The following DYM variants were observed in gnomAD, a reference collection of about 807,000 sequenced individuals.
The protein encoded by DYM is dymeclin, also known as dyggve-Melchior-Clausen syndrome protein.
Under a neutral mutation model 93.1 loss-of-function variants are expected in DYM, and 78 were observed. That is an observed-to-expected ratio of 0.84 (90% CI 0.70 to 1.01). The LOEUF (loss-of-function observed/expected upper bound fraction) is 1.01, where lower values mean the gene tolerates loss of function less well. DYM is among the 50% of genes least tolerant of loss of function. DYM has a pLI of 0.00. For synonymous variants in DYM, 321 were observed against 319.7 expected (o/e 1.00, Z -0.04); for missense variants, 789 against 845.0 (o/e 0.93, Z 0.82).
At chr18:49,099,810 G>T (rs1363520624) in intron 16 of DYM, among the ~76,000 whole-genome samples, 1 of 152,110 alleles carries the variant, frequency 6.6e-6, no homozygotes, top group East Asian at 1.9e-4. Flanking sequence ...AACTTTTATG[G>T]ATCCATTTTC....
At position 49,363,237 on chromosome 18, in the gene DYM, GT is replaced by G; in HGVS notation, c.422-5del. 6.2e-7 allele frequency: 1 copy of G among 1,611,336 alleles called. No individual in the cohort carries two copies. On this transcript the variant is annotated splice_region_variant and splice_polypyrimidine_tract_variant and intron_variant, in intron 5 of 17. Transcript: ENST00000675505. ...AAAAGATCTTCTGAGTCAGAACCTG[GT>G]AAGACACATAAAAAGATTTTTTTTT...
chr18:49,169,133 G>C (rs139836115), intron 14 of DYM, among the ~76,000 whole-genome samples: 1 of 152,318 alleles, frequency 6.6e-6, no homozygotes, highest in East Asian at 1.9e-4. Context: ...GAAAGCAAAA[G>C]CAACACAGTT....
chr18:49,076,892 C>T (rs775301495), intron 17 of DYM, among the ~76,000 whole-genome samples: 5 of 152,250 alleles, frequency 3.3e-5, no homozygotes, highest in Middle Eastern at 3.4e-3. Context: ...AAGCTTAACT[C>T]GTATATAGTT....
chr18:49,163,257 T>C (rs2087414962), intron 15 of DYM, among the ~76,000 whole-genome samples: 1 of 152,128 alleles, frequency 6.6e-6, no homozygotes, highest in African/African-American at 2.4e-5. Flanking sequence ...ATATTAGAGG[T>C]TTCTTGGGCA....
chr18:49,076,954 C>T (rs1157527387), intron 17 of DYM, among the ~76,000 whole-genome samples: 1 of 152,174 alleles, frequency 6.6e-6, no homozygotes, highest in Non-Finnish European at 1.5e-5. Context: ...TAAATTAGCT[C>T]TTGTCTCAGG....
At chr18:49,278,928 T>C (rs1348588767) in intron 10 of DYM, among the ~76,000 whole-genome samples, 1 of 152,232 alleles carries the variant, frequency 6.6e-6, no homozygotes, top group African/African-American at 2.4e-5. Flanking sequence ...CCATCTCAAA[T>C]GTCTAGCTGC....
intron 13 of DYM, among the ~76,000 whole-genome samples, chr18:49,226,020 C>G (rs1315287760): frequency 6.6e-6 from 1 of 152,088 alleles, no homozygotes; most frequent in Non-Finnish European, 1.5e-5. Context: ...TTTAACTTGT[C>G]TTTGAAGACT....
chr18:49,173,078 C>A (rs1183215223), intron 14 of DYM, among the ~76,000 whole-genome samples: 1 of 151,654 alleles, frequency 6.6e-6, no homozygotes, highest in Non-Finnish European at 1.5e-5. Context: ...AAAAGATTAT[C>A]CTTTCCCCCT....
intron 17 of DYM, among the ~76,000 whole-genome samples, chr18:49,082,742 C>A (rs185061871): frequency 6.4e-4 from 97 of 152,318 alleles, no homozygotes; most frequent in Non-Finnish European, 1.1e-3. Flanking sequence ...CAAATACAGA[C>A]AGTTTTACTT....
intron 1 of DYM, among the ~76,000 whole-genome samples, chr18:49,433,844 G>T (rs2080560785): frequency 6.6e-6 from 1 of 152,122 alleles, no homozygotes; most frequent in Non-Finnish European, 1.5e-5. Flanking sequence ...ATCCAGCCTG[G>T]GCGACAGAGT....
At chr18:49,325,589 G>T (rs1384348382) in intron 8 of DYM, among the ~76,000 whole-genome samples, 1 of 152,148 alleles carries the variant, frequency 6.6e-6, no homozygotes, top group Non-Finnish European at 1.5e-5. Context: ...TACACAGAGA[G>T]CCATACCTTT....
At chr18:49,291,291 C>T (rs1395732813) in intron 8 of DYM, among the ~76,000 whole-genome samples, 2 of 152,160 alleles carry the variant, frequency 1.3e-5, no homozygotes, top group African/African-American at 4.8e-5. Flanking sequence ...TTCTACTTTA[C>T]ATTGTAAACA....
chr18:49,334,951 C>T (rs2063555486), intron 6 of DYM, among the ~76,000 whole-genome samples: 1 of 151,962 alleles, frequency 6.6e-6, no homozygotes, highest in Admixed American at 6.6e-5. Context: ...GCTAAAAATA[C>T]AAAAAATTAG....
At chr18:49,191,018 G>A (rs1028317580) in intron 14 of DYM, among the ~76,000 whole-genome samples, 3 of 151,298 alleles carry the variant, frequency 2.0e-5, no homozygotes, top group African/African-American at 7.3e-5. Flanking sequence ...TAAGTTTTGG[G>A]GAAGTTCAAA....
intron 14 of DYM, among the ~76,000 whole-genome samples, chr18:49,170,678 G>T (rs2088560166): frequency 6.6e-6 from 1 of 151,046 alleles, no homozygotes; most frequent in Non-Finnish European, 1.5e-5. Flanking sequence ...TACTCAGGAG[G>T]CTGAGGCAGG....
chr18:49,072,426 T>C (rs958697882), intron 17 of DYM, among the ~76,000 whole-genome samples: 22 of 152,248 alleles, frequency 1.4e-4, no homozygotes, highest in Non-Finnish European at 8.8e-5. Context: ...TTGATATCTA[T>C]GAAAGTAGCC....
At chr18:49,377,126 ATAATACCT>A (rs2067573356) in intron 5 of DYM, among the ~76,000 whole-genome samples, 1 of 152,262 alleles carries the variant, frequency 6.6e-6, no homozygotes, top group South Asian at 2.1e-4. Flanking sequence ...AAAATGTAAC[ATAATACCT>A]TAATACATTT....
chr18:49,240,312 C>G (rs1482327015), intron 13 of DYM, among the ~76,000 whole-genome samples: 4 of 151,410 alleles, frequency 2.6e-5, no homozygotes, highest in Non-Finnish European at 5.9e-5. Context: ...AATGAGAACC[C>G]CAAAGAATTT....
At chr18:49,260,632 C>T (rs139378040) in intron 11 of DYM, among the ~76,000 whole-genome samples, 2 of 152,158 alleles carry the variant, frequency 1.3e-5, no homozygotes, top group African/African-American at 2.4e-5. Flanking sequence ...TGAGAAAGTT[C>T]CATTGGCTTC....
Sources: allele counts gnomAD v4.1 joint callset (sites outside exome capture counted in the v4.1 genomes callset), GRCh38; gene constraint gnomAD v4.1.1; transcripts MANE v1.5; gene names NCBI Gene and HGNC (gene_info 2026-07-23, HGNC 2026-07-21).